ARHGAP26: variants seen among roughly 807,000 people sequenced by gnomAD.
ARHGAP26 encodes the protein Rho GTPase activating protein 26.
A neutral mutation model predicts 104.8 loss-of-function variants in ARHGAP26; 38 were observed. The ratio of observed to expected loss-of-function variants is 0.36; its 90% CI spans 0.28 to 0.48. The LOEUF (loss-of-function observed/expected upper bound fraction) is 0.48. Among genes scored for constraint, ARHGAP26 ranks in the 20% least tolerant of loss-of-function variants. The pLI is 0.99. For missense variants in ARHGAP26, 704 were observed against 947.9 expected, an observed-to-expected ratio of 0.74 and a Z score of 3.38; for synonymous variants, 341 against 340.0, an observed-to-expected ratio of 1.00 and a Z score of -0.03.
At chr5:142,801,272 C>CT (rs1299150265) in intron 1 of ARHGAP26, among the ~76,000 whole-genome samples, 7 of 152,198 alleles carry the variant, frequency 4.6e-5, no homozygotes, top group Non-Finnish European at 1.0e-4. Flanking sequence ...AAGTTCACAT[C>CT]TGTGCTATTC....
intron 9 of ARHGAP26, among the ~76,000 whole-genome samples, chr5:142,909,874 T>C (rs1761591372): frequency 6.6e-6 from 1 of 152,224 alleles, no homozygotes; most frequent in South Asian, 2.1e-4. Context: ...TCTCAGACTT[T>C]TAATGAAGAA....
At chr5:142,932,602 G>T (rs1361486550) in intron 11 of ARHGAP26, among the ~76,000 whole-genome samples, 3 of 152,232 alleles carry the variant, frequency 2.0e-5, no homozygotes, top group Non-Finnish European at 2.9e-5. Flanking sequence ...TCTTATCTTA[G>T]TTCCAAGGAT....
At chr5:143,065,859 G>A (rs140184538) in intron 17 of ARHGAP26, among the ~76,000 whole-genome samples, 3 of 152,342 alleles carry the variant, frequency 2.0e-5, no homozygotes, top group African/African-American at 4.8e-5. Flanking sequence ...TGGCCAGTGG[G>A]AGAAGGGAGC....
At chr5:142,889,500 C>T (rs1758190659) in intron 5 of ARHGAP26, among the ~76,000 whole-genome samples, 1 of 152,166 alleles carries the variant, frequency 6.6e-6, no homozygotes, top group Admixed American at 6.5e-5. Flanking sequence ...CGCCTGTAAT[C>T]CCAGCTACTT....
At position 142,971,710 on chromosome 5, in the gene ARHGAP26, G is replaced by A. The variant is rs1772301320; in HGVS notation, c.1107+39585G>A. Reference sequence around the variant, plus strand: ...TATGAAGGTAGACACAATTATCCCTGTTTTGCATTTCAGGAAACCAAAAGC... The same window carrying A: ...TATGAAGGTAGACACAATTATCCCTATTTTGCATTTCAGGAAACCAAAAGC... On this transcript the variant is annotated intron_variant, in intron 11 of 22. Coordinates refer to ENST00000645722, the MANE Select transcript of ARHGAP26 (RefSeq NM_001135608.3). Among the ~76,000 whole-genome samples, 4 of 152,182 alleles carry A rather than the reference G, an allele frequency of 2.6e-5. No individual in the cohort carries two copies. The South Asian group carries it at 8.3e-4, about 32-fold the overall frequency.
chr5:143,053,907 T>G (rs932431915), intron 14 of ARHGAP26, among the ~76,000 whole-genome samples: 5 of 152,240 alleles, frequency 3.3e-5, no homozygotes, highest in African/African-American at 1.2e-4. Flanking sequence ...CCATGTTGCT[T>G]TACAGTCATC....
At position 142,993,202 on chromosome 5, in the gene ARHGAP26, G is replaced by T. The variant is rs940329806; in HGVS notation, c.1108-20878G>T. On this transcript the variant is annotated intron_variant, in intron 11 of 22. Transcript: ENST00000645722. The stretch of plus-strand genomic sequence containing the variant: ...TTTTGAGACGGAGTCTCGCTCTGTC[G>T]CCCAGGCCGGACTGCGGACTGCAGT... 7.6e-5 allele frequency among the ~76,000 whole-genome samples: 10 copies of T among 131,208 alleles called. No homozygotes were observed. In the Admixed American group the frequency reaches 7.9e-4, roughly 10 times the overall value. The allele number at this position is 131,208 out of a possible 152,430, so 86.1% of individuals were successfully genotyped here.
At chr5:143,069,257 C>G (rs967182121) in intron 17 of ARHGAP26, among the ~76,000 whole-genome samples, 4 of 152,230 alleles carry the variant, frequency 2.6e-5, no homozygotes, top group Admixed American at 2.0e-4. Context: ...GTTTTCTTCT[C>G]CCCGAAATGT....
At chr5:143,089,274 C>A (rs1791057178) in intron 17 of ARHGAP26, among the ~76,000 whole-genome samples, 1 of 152,170 alleles carries the variant, frequency 6.6e-6, no homozygotes, top group Admixed American at 6.5e-5. Context: ...TTTTTATGAG[C>A]CTCTGCACCA....
chr5:143,036,340 T>A (rs571401113), intron 12 of ARHGAP26, among the ~76,000 whole-genome samples: 113 of 152,290 alleles, frequency 7.4e-4, no homozygotes, highest in African/African-American at 2.7e-3. Context: ...AGCCTTGTTG[T>A]CAGGTTAGAA....
intron 20 of ARHGAP26, among the ~76,000 whole-genome samples, chr5:143,200,754 C>T (rs938827480): frequency 6.6e-6 from 1 of 152,186 alleles, no homozygotes; most frequent in African/African-American, 2.4e-5. Flanking sequence ...GAAAGATTAA[C>T]TTTCTTCTTC....
At chr5:142,801,746 A>G (rs1762114530) in intron 1 of ARHGAP26, among the ~76,000 whole-genome samples, 2 of 151,994 alleles carry the variant, frequency 1.3e-5, no homozygotes, top group African/African-American at 4.8e-5. Flanking sequence ...ACTGTACCCA[A>G]CTGTTTTCCT....
intron 17 of ARHGAP26, among the ~76,000 whole-genome samples, chr5:143,108,020 C>T (rs1009539589): frequency 1.3e-5 from 2 of 152,110 alleles, no homozygotes; most frequent in Non-Finnish European, 2.9e-5. Context: ...CTCACATGTA[C>T]CACTATATAT....
intron 20 of ARHGAP26, among the ~76,000 whole-genome samples, chr5:143,183,073 C>CAAAA (rs70991799): frequency 3.3e-5 from 3 of 89,928 alleles, no homozygotes; most frequent in African/African-American, 7.6e-5. Flanking sequence ...TGAAAAGTGG[C>CAAAA]AAAAAAAAAA....
intron 10 of ARHGAP26, among the ~76,000 whole-genome samples, chr5:142,929,062 C>T (rs760650128): frequency 6.6e-6 from 1 of 152,162 alleles, no homozygotes; most frequent in Non-Finnish European, 1.5e-5. Context: ...GTCAGCCTCC[C>T]GAGTAGCTGG....
chr5:143,085,063 A>G (rs1252287780), intron 17 of ARHGAP26, among the ~76,000 whole-genome samples: 1 of 151,502 alleles, frequency 6.6e-6, no homozygotes, highest in African/African-American at 2.4e-5. Context: ...AAAAAAAAAA[A>G]AAAAGAAACG....
intron 1 of ARHGAP26, among the ~76,000 whole-genome samples, chr5:142,813,160 C>G (rs1457953351): frequency 6.6e-6 from 1 of 152,098 alleles, no homozygotes; most frequent in African/African-American, 2.4e-5. Context: ...CCAGGATGGT[C>G]TTGATCTCCT....
In ARHGAP26 at chr5:142,960,326, G is replaced by A. The variant is rs544277629; in HGVS notation, c.1107+28201G>A. ...AATCTATAAGCAGTTCTCTCTCATC[G>A]ATGGATTCACTTTCCATAGTTACCT... On this transcript the variant is annotated intron_variant, in intron 11 of 22. Transcript: ENST00000645722. Among the ~76,000 whole-genome samples, 6 of 152,356 alleles carry A rather than the reference G, an allele frequency of 3.9e-5. No homozygotes were observed. The South Asian group carries it at 1.0e-3, about 26-fold the overall frequency.
At chr5:143,192,448 A>G (rs895650607) in intron 20 of ARHGAP26, 1 of 152,286 alleles carries the variant, frequency 6.6e-6, no homozygotes, top group African/African-American at 2.4e-5. Flanking sequence ...ACATCCAGCC[A>G]GGTGCCTGCT....
Sources: allele counts gnomAD v4.1 joint callset (sites outside exome capture counted in the v4.1 genomes callset), GRCh38; gene constraint gnomAD v4.1.1; transcripts MANE v1.5; gene names NCBI Gene and HGNC (gene_info 2026-07-23, HGNC 2026-07-21).